The following NETO1 variants were observed in gnomAD, a reference collection of about 807,000 sequenced individuals.
NETO1 encodes the protein neuropilin and tolloid-like protein 1.
Under a neutral mutation model 61.3 loss-of-function variants are expected in NETO1, and 26 were observed. That is an observed-to-expected ratio of 0.42 (90% CI 0.31 to 0.59). The LOEUF (loss-of-function observed/expected upper bound fraction) is 0.59. NETO1 is among the 20% of genes least tolerant of loss of function. NETO1 has a pLI of 0.12. For synonymous variants in NETO1, 225 were observed against 225.8 expected (o/e 1.00, Z 0.03); for missense variants, 531 against 662.8 (o/e 0.80, Z 2.18).
intron 6 of NETO1, among the ~76,000 whole-genome samples, chr18:72,791,387 AG>A (rs1432008996): frequency 6.6e-6 from 1 of 152,218 alleles, no homozygotes; most frequent in Non-Finnish European, 1.5e-5. Context: ...ATAAGCTGCT[AG>A]GAACTCTATA....
In NETO1 at chr18:72,860,729, G is replaced by GT. The variant is rs34189999; in HGVS notation, c.221-1656dup. ...GATTTGAGGGAGTTTCAATGACGTG[G>GT]TTTTTTTTTTTCTTTTCTTTTTTTT... On this transcript the variant is annotated intron_variant, in intron 3 of 10. Coordinates refer to ENST00000327305, the MANE Select transcript of NETO1 (RefSeq NM_138966.5). Among the ~76,000 whole-genome samples the GT allele has an allele frequency of 2.1e-3, 308 of 144,018 alleles. 2 individuals carry two copies. Among genetic ancestry groups the GT allele is most frequent in the African/African-American group, 7.1e-3 (276 of 38,960 alleles). 94.5% of individuals were successfully genotyped at this position (144,018 alleles called of 152,430 possible). A position where few individuals can be genotyped will look rare whatever the true frequency, so the allele number is the denominator to read the frequency against.
chr18:72,760,707 T>C (rs1278569928), intron 7 of NETO1, among the ~76,000 whole-genome samples: 1 of 152,156 alleles, frequency 6.6e-6, no homozygotes, highest in Admixed American at 6.5e-5. Flanking sequence ...GACTTAATAA[T>C]GCACAGAATG....
In NETO1 at chr18:72,864,923, T is replaced by C; in HGVS notation, c.105A>G (p.Thr35=). The change falls in exon 3 of 11, where the codon ACA becomes ACG. Residue 35 remains threonine (T), a synonymous_variant. Coordinates refer to ENST00000327305, the MANE Select transcript of NETO1 (RefSeq NM_138966.5). ...AAGTTCCACACTGCACTGACTTCTG[T>C]GTTTCTGAGGTGGTTTGCTTTTCTG... ...KGTEKQTTSE[T]QKSVQCGTWT... 6.2e-7 allele frequency: 1 copy of C among 1,600,120 alleles called. No individual in the cohort carries two copies. The highest frequency in any genetic ancestry group is 8.5e-7 in the Non-Finnish European group (1 of 1,176,892).
rs762396666 is a variant in NETO1 at position 72,842,756 on chromosome 18, C to G, written c.469+16070G>C. On this transcript the variant is annotated intron_variant, in intron 4 of 10. Coordinates refer to ENST00000327305, the MANE Select transcript of NETO1 (RefSeq NM_138966.5). ...GATGAATCTGGGTTCTTCATTTAAACATTTTAAGTCTTTTAATCCCAAATA... is the reference window on the plus strand; with the variant it reads ...GATGAATCTGGGTTCTTCATTTAAAGATTTTAAGTCTTTTAATCCCAAATA... Among the ~76,000 whole-genome samples, 5 of 152,166 alleles carry G rather than the reference C, an allele frequency of 3.3e-5. No homozygotes were observed. In the South Asian group the frequency reaches 1.0e-3, roughly 31 times the overall value.
chr18:72,797,558 G>T (rs148767215), intron 4 of NETO1, among the ~76,000 whole-genome samples: 1 of 152,278 alleles, frequency 6.6e-6, no homozygotes, highest in East Asian at 1.9e-4. Context: ...GCAGACACAC[G>T]ATAACGTTGG....
intron 4 of NETO1, among the ~76,000 whole-genome samples, chr18:72,806,723 C>T (rs1184357500): frequency 6.6e-6 from 1 of 152,170 alleles, no homozygotes; most frequent in Non-Finnish European, 1.5e-5. Flanking sequence ...ACTCACTCTT[C>T]CTTGTTCTCA....
At position 72,830,166 on chromosome 18, in the gene NETO1, G is replaced by A. The variant is rs2073527881; in HGVS notation, c.469+28660C>T. 6.6e-6 allele frequency among the ~76,000 whole-genome samples: 1 copy of A among 152,122 alleles called. No homozygotes were observed. The highest frequency in any genetic ancestry group is 2.1e-4 in the South Asian group (1 of 4,822). On this transcript the variant is annotated intron_variant, in intron 4 of 10. Coordinates refer to ENST00000327305, the MANE Select transcript of NETO1 (RefSeq NM_138966.5). This position sits in a 1 kb window ranked among gnomAD's most constrained non-coding sequence, Gnocchi z 4.9. ...TTTATCATCATAGAGGATCATGCAT[G>A]TAAGCCGTCCACAGCATAGAGGAAG...
chr18:72,864,154 C>T (rs537424436), intron 3 of NETO1, among the ~76,000 whole-genome samples: 148 of 151,606 alleles, frequency 9.8e-4, no homozygotes, highest in Admixed American at 1.5e-3. Flanking sequence ...AGGGGACTCT[C>T]GCTTTGTCTC....
chr18:72,794,471 T>A (rs1203705184), intron 4 of NETO1, 67 bp from the exon 5 acceptor site: 1 of 1,474,538 alleles, frequency 6.8e-7, no homozygotes. Flanking sequence ...GTTTAAGTTA[T>A]TTATCATTAA....
intron 7 of NETO1, among the ~76,000 whole-genome samples, chr18:72,760,826 G>A (rs983363722): frequency 6.6e-6 from 1 of 152,100 alleles, no homozygotes; most frequent in Non-Finnish European, 1.5e-5. Context: ...ATTTTCCAAC[G>A]TGAGTTACGT....
At chr18:72,865,123 G>T in intron 2 of NETO1, 65 bp downstream of exon 2, 1 of 1,496,468 alleles carries the variant, frequency 6.7e-7, no homozygotes, top group East Asian at 2.3e-5. Flanking sequence ...TTAACAGTAG[G>T]AGGAAAATAG....
At chr18:72,769,059 T>A (rs2071259200) in intron 7 of NETO1, among the ~76,000 whole-genome samples, 1 of 152,138 alleles carries the variant, frequency 6.6e-6, no homozygotes, top group Non-Finnish European at 1.5e-5. Context: ...AGGGCAGTGA[T>A]GAGAAAAGTT....
chr18:72,742,656 A>G (rs1486257795), downstream of NETO1: 2 of 152,154 alleles, frequency 1.3e-5, no homozygotes, highest in African/African-American at 4.8e-5. Flanking sequence ...TATATTACAC[A>G]TTGGTGAAGA....
intron 6 of NETO1, among the ~76,000 whole-genome samples, chr18:72,786,406 C>A (rs1362251250): frequency 1.3e-5 from 2 of 152,144 alleles, no homozygotes; most frequent in African/African-American, 4.8e-5. Flanking sequence ...ACAAATGAAT[C>A]AAACTGAACA....
chr18:72,806,550 T>C (rs1337741436), intron 4 of NETO1, among the ~76,000 whole-genome samples: 1 of 152,206 alleles, frequency 6.6e-6, no homozygotes, highest in Non-Finnish European at 1.5e-5. Flanking sequence ...CTTCTGGATT[T>C]TCTCATCACC....
chr18:72,836,340 A>T (rs914038630), intron 4 of NETO1, among the ~76,000 whole-genome samples: 3 of 152,142 alleles, frequency 2.0e-5, no homozygotes, highest in African/African-American at 7.2e-5. Context: ...TTATCTCATA[A>T]GTTAGTTCAG....
intron 4 of NETO1, among the ~76,000 whole-genome samples, chr18:72,833,655 A>G (rs190517561): frequency 1.1e-3 from 165 of 152,184 alleles, no homozygotes; most frequent in Non-Finnish European, 1.7e-3. Context: ...ATACTCTCCT[A>G]TTATCTCAGG....
At chr18:72,797,285 G>C (rs1239506681) in intron 4 of NETO1, among the ~76,000 whole-genome samples, 1 of 152,132 alleles carries the variant, frequency 6.6e-6, no homozygotes, top group Non-Finnish European at 1.5e-5. Flanking sequence ...GCAATGTAGA[G>C]AGAAATGCCA....
intron 7 of NETO1, among the ~76,000 whole-genome samples, chr18:72,758,976 T>C (rs1163182784): frequency 6.6e-6 from 1 of 152,218 alleles, no homozygotes; most frequent in Non-Finnish European, 1.5e-5. Context: ...TCCTCGTTAT[T>C]GTCTGAATCT....
Sources: gnomAD v4.1 joint callset for allele counts (sites outside exome capture counted in the v4.1 genomes callset) on GRCh38, gnomAD v4.1.1 for gene constraint, Gnocchi (gnomAD v3.1) non-coding constraint, MANE v1.5 for transcripts, NCBI Gene and HGNC (gene_info 2026-07-23, HGNC 2026-07-21) for gene names.